The following SNX29 variants were observed in gnomAD, a reference collection of about 807,000 sequenced individuals.
The protein encoded by SNX29 is sorting nexin 29, also known as sorting nexin-29.
SNX29 carries 78 observed loss-of-function variants against 102.1 expected under a neutral mutation model. The observed-to-expected ratio is 0.76, with a 90% CI of 0.64 to 0.92. SNX29 has a LOEUF of 0.92. Among genes scored for constraint, SNX29 ranks in the 40% least tolerant of loss-of-function variants. The probability of loss-of-function intolerance (pLI) is 0.00; values close to 1 mark genes in which losing one functional copy is unlikely to be tolerated. For missense variants in SNX29, 1,280 were observed against 1,061.7 expected, an observed-to-expected ratio of 1.21 and a Z score of -2.86; for synonymous variants, 580 against 414.5, an observed-to-expected ratio of 1.40 and a Z score of -4.85.
rs1491230065 is a variant in SNX29, at chr16:12,242,368, T to TATA, written c.1679-35565_1679-35564insATA. On this transcript the variant is annotated intron_variant, in intron 14 of 20. Transcript: ENST00000566228. ...ATATATAATAATATATATATATATA[T>TATA]TTTTTTTTTTTTTTTAAGAAGAGGA... Among the ~76,000 whole-genome samples, 765 of 117,068 alleles carry TATA rather than the reference T, an allele frequency of 6.5e-3. 7 individuals carry two copies. The highest frequency in any genetic ancestry group is 0.023 in the African/African-American group (682 of 29,524). The allele number at this position is 117,068 out of a possible 152,430, so 76.8% of individuals were successfully genotyped here.
rs936184522 is a variant in SNX29, at chr16:12,563,771, C to A, written c.2319-4735C>A. ...ACAGCCACAACTTCTCCACCCTTGT[C>A]TGCCGACCTGTCTGAAGACTGCAAC... On this transcript the variant is annotated intron_variant, in intron 20 of 20. Transcript: ENST00000566228. Among the ~76,000 whole-genome samples the A allele has an allele frequency of 4.6e-5, 7 of 152,238 alleles. No individual in the cohort carries two copies. The South Asian group carries it at 6.2e-4, about 14-fold the overall frequency.
intron 19 of SNX29, among the ~76,000 whole-genome samples, chr16:12,492,828 A>T (rs144630843): frequency 0.038 from 5,824 of 152,274 alleles, 155 homozygotes; most frequent in Non-Finnish European, 0.056. Context: ...TTTGCCAAAG[A>T]TCAGATGGTT....
intron 14 of SNX29, among the ~76,000 whole-genome samples, chr16:12,250,727 G>A (rs967988021): frequency 3.3e-5 from 5 of 152,232 alleles, no homozygotes; most frequent in Non-Finnish European, 5.9e-5. Context: ...CCCCATGTGT[G>A]AGGTCCAGAG....
At chr16:12,285,488 C>G (rs1280070015) in intron 15 of SNX29, among the ~76,000 whole-genome samples, 1 of 152,188 alleles carries the variant, frequency 6.6e-6, no homozygotes, top group African/African-American at 2.4e-5. Flanking sequence ...AACATTTGTT[C>G]TCATTATAAT....
chr16:12,016,172 A>G (rs555055826), intron 3 of SNX29, among the ~76,000 whole-genome samples: 6 of 152,266 alleles, frequency 3.9e-5, no homozygotes, highest in Non-Finnish European at 8.8e-5. Flanking sequence ...CCCGGCTAAT[A>G]ATTCTTTTTA....
chr16:12,385,357 C>G (rs1490429000), intron 16 of SNX29, among the ~76,000 whole-genome samples: 1 of 152,194 alleles, frequency 6.6e-6, no homozygotes, highest in African/African-American at 2.4e-5. Context: ...GAAGTGAATC[C>G]TGAGACAACT....
rs1018697563 is a variant in SNX29, at chr16:12,346,968, A to T, written c.1783-9195A>T. Among the ~76,000 whole-genome samples the T allele has an allele frequency of 5.9e-5, 9 of 152,152 alleles. 1 individual carries two copies. Among genetic ancestry groups the T allele is most frequent in the Admixed American group, 4.6e-4 (7 of 15,272 alleles). On this transcript the variant is annotated intron_variant, in intron 15 of 20. Coordinates refer to ENST00000566228, the MANE Select transcript of SNX29 (RefSeq NM_032167.5). ...CTGGCAGCCCCGTGGCCAAGCGATG[A>T]CGGTCACCTAAACCTCTGCTTCTCA... is the stretch of plus-strand genomic sequence containing the variant.
chr16:12,543,286 C>T (rs369987679), intron 20 of SNX29, among the ~76,000 whole-genome samples: 14 of 152,164 alleles, frequency 9.2e-5, no homozygotes, highest in Admixed American at 6.5e-4. Flanking sequence ...CATCTGGGTC[C>T]GTGCCTGTGG....
intron 13 of SNX29, among the ~76,000 whole-genome samples, chr16:12,152,507 G>A (rs923556037): frequency 6.6e-6 from 1 of 152,182 alleles, no homozygotes; most frequent in African/African-American, 2.4e-5. Flanking sequence ...CCCTATCTTA[G>A]CTCTGTAACC....
intron 20 of SNX29, among the ~76,000 whole-genome samples, chr16:12,566,392 C>G (rs1005970182): frequency 8.8e-5 from 13 of 147,176 alleles, no homozygotes; most frequent in African/African-American, 3.3e-4. Context: ...CTGGCCTCTC[C>G]CAGGCACTCT....
chr16:12,572,654 G>T lies in SNX29; in HGVS notation c.*4025G>T, dbSNP rs891263419. On this transcript the variant is annotated 3_prime_UTR_variant, in exon 21 of 21. Coordinates refer to ENST00000566228, the MANE Select transcript of SNX29 (RefSeq NM_032167.5). ...TCCTTCATTCCTCCACCAAGCTCCTGTGTGAGCTGCAGCACCCACACGGGG... is the reference window on the plus strand; with the variant it reads ...TCCTTCATTCCTCCACCAAGCTCCTTTGTGAGCTGCAGCACCCACACGGGG... 20 of 1,063,728 alleles carry T rather than the reference G, an allele frequency of 1.9e-5. No individual in the cohort carries two copies. The highest frequency in any genetic ancestry group is 4.6e-5 in the South Asian group (1 of 21,968). The allele number at this position is 1,063,728 out of a possible 1,614,324, so 65.9% of individuals were successfully genotyped here.
chr16:12,186,221 C>A (rs1275224754), intron 13 of SNX29, among the ~76,000 whole-genome samples: 1 of 152,072 alleles, frequency 6.6e-6, no homozygotes, highest in African/African-American at 2.4e-5. Context: ...TCTAAAGGAA[C>A]TTCTTTTTTT....
At chr16:12,138,787 C>T (rs1345882441) in intron 13 of SNX29, among the ~76,000 whole-genome samples, 1 of 152,116 alleles carries the variant, frequency 6.6e-6, no homozygotes, top group Non-Finnish European at 1.5e-5. Context: ...ATGGTATTAT[C>T]ACTAGGCTGC....
intron 4 of SNX29, among the ~76,000 whole-genome samples, chr16:12,030,183 A>G (rs1480048672): frequency 6.6e-6 from 1 of 152,014 alleles, no homozygotes; most frequent in East Asian, 1.9e-4. Context: ...CTCAAATATT[A>G]TTCATCCTTG....
chr16:12,376,257 G>T (rs929991654), intron 16 of SNX29, among the ~76,000 whole-genome samples: 1 of 152,048 alleles, frequency 6.6e-6, no homozygotes, highest in Non-Finnish European at 1.5e-5. Context: ...ACCTTTACTG[G>T]CCCCCCGGGA....
chr16:12,544,483 G>C (rs984218713), intron 20 of SNX29, among the ~76,000 whole-genome samples: 1 of 152,112 alleles, frequency 6.6e-6, no homozygotes, highest in African/African-American at 2.4e-5. Flanking sequence ...TTTTATGATT[G>C]GGGTCGGCTG....
chr16:12,477,847 C>T lies in SNX29; in HGVS notation c.2166C>T (p.Ala722=), dbSNP rs762302751. Residue 722 remains alanine (A), a synonymous_variant, in exon 19 of 21, where the codon GCC becomes GCT. Coordinates refer to ENST00000566228, the MANE Select transcript of SNX29 (RefSeq NM_032167.5). ...VRAYNFPPKK[A]IGNKDAKFVE... ...CCTACAACTTCCCACCCAAAAAGGC[C>T]ATTGGAAACAAGGTACCATCCCGTG... 1.2e-6 allele frequency: 2 copies of T among 1,606,992 alleles called. No homozygotes were observed. The highest frequency in any genetic ancestry group is 1.1e-5 in the South Asian group (1 of 90,030).
chr16:12,364,206 ATGTT>A (rs1567481846), intron 16 of SNX29, among the ~76,000 whole-genome samples: 257 of 149,978 alleles, frequency 1.7e-3, no homozygotes, highest in African/African-American at 5.8e-3. Flanking sequence ...ATGTTATGTT[ATGTT>A]ATGTTATTTT....
intron 15 of SNX29, among the ~76,000 whole-genome samples, chr16:12,281,862 GGAGTTCGA>G (rs1379829156): frequency 6.6e-6 from 1 of 151,992 alleles, no homozygotes; most frequent in Non-Finnish European, 1.5e-5. Flanking sequence ...CTTCAGACTA[GGAGTTCGA>G]GAGTAGCCTG....
Sources: gnomAD v4.1 joint callset for allele counts (sites outside exome capture counted in the v4.1 genomes callset) on GRCh38, gnomAD v4.1.1 for gene constraint, MANE v1.5 for transcripts, NCBI Gene and HGNC (gene_info 2026-07-23, HGNC 2026-07-21) for gene names.